Variants in ASPRV1 observed in about 807,000 individuals in gnomAD.
ASPRV1 encodes the protein aspartic peptidase retroviral like 1, also known as retroviral-like aspartic protease 1.
ASPRV1 carries 7 observed loss-of-function variants against 11.0 expected under a neutral mutation model. The observed-to-expected ratio is 0.64, with a 90% CI of 0.36 to 1.20. ASPRV1 has a LOEUF of 1.20. ASPRV1 is among the 50% of genes most tolerant of loss of function. The pLI, the probability that ASPRV1 is intolerant of heterozygous loss-of-function variation, is 0.02. For synonymous variants in ASPRV1, 136 were observed against 138.4 expected (o/e 0.98, Z 0.12); for missense variants, 299 against 320.0 (o/e 0.93, Z 0.50).
chr2:70,066,429 G>A, the ASPRV1 span, among the ~76,000 whole-genome samples: 1 of 151,512 alleles, frequency 6.6e-6, no homozygotes, highest in Non-Finnish European at 1.5e-5. Flanking sequence ...AGTAGAGATG[G>A]GGTTTCACCA....
At chr2:70,048,891 C>T in the ASPRV1 span, 4 of 152,172 alleles carry the variant, frequency 2.6e-5, no homozygotes, top group Non-Finnish European at 1.5e-5. Context: ...TCTCTGCCTC[C>T]ATCTTCATGT....
chr2:70,015,235 G>A, the ASPRV1 span, among the ~76,000 whole-genome samples: 2 of 152,176 alleles, frequency 1.3e-5, no homozygotes, highest in Admixed American at 1.3e-4. Context: ...AAACCAAAGA[G>A]AGCAGGGGTA....
At chr2:69,945,213 T>C in the ASPRV1 span, among the ~76,000 whole-genome samples, 3 of 151,418 alleles carry the variant, frequency 2.0e-5, no homozygotes, top group South Asian at 6.2e-4. Context: ...CACTCCAGCC[T>C]GGGCGACAGA....
the ASPRV1 span, chr2:70,031,158 T>C: frequency 6.6e-6 from 1 of 152,146 alleles, no homozygotes; most frequent in African/African-American, 2.4e-5. Context: ...TTGCTTCCTG[T>C]AGTTAATATT....
chr2:70,054,101 G>C, the ASPRV1 span: 1 of 152,236 alleles, frequency 6.6e-6, no homozygotes, highest in Non-Finnish European at 1.5e-5. Flanking sequence ...GGGAGGCTGA[G>C]GCGGGTGGAT....
At chr2:69,937,402 T>C in the ASPRV1 span, 2 of 1,593,580 alleles carry the variant, frequency 1.3e-6, no homozygotes, top group South Asian at 2.3e-5. Flanking sequence ...GGGGTGAGCC[T>C]CTCTCACTCT....
the ASPRV1 span, among the ~76,000 whole-genome samples, chr2:70,027,541 T>C: frequency 2.2e-4 from 34 of 152,146 alleles, no homozygotes; most frequent in Non-Finnish European, 4.6e-4. Flanking sequence ...ATGTGGTATA[T>C]ATACAAATAC....
the ASPRV1 span, chr2:70,053,782 A>G: frequency 6.6e-6 from 1 of 152,190 alleles, no homozygotes; most frequent in Non-Finnish European, 1.5e-5. Context: ...CAAGTCCCCA[A>G]CACACTTGGT....
At chr2:70,059,127 G>A in the ASPRV1 span, among the ~76,000 whole-genome samples, 42 of 150,700 alleles carry the variant, frequency 2.8e-4, no homozygotes, top group Middle Eastern at 3.4e-3. Context: ...TCCTGACCTC[G>A]TGATCCGCCC....
chr2:70,033,374 A>T, the ASPRV1 span, among the ~76,000 whole-genome samples: 54 of 152,112 alleles, frequency 3.6e-4, no homozygotes, highest in Non-Finnish European at 6.8e-4. Flanking sequence ...GTATGAAAAG[A>T]CTGAGGGGTT....
At chr2:70,061,770 G>C in the ASPRV1 span, among the ~76,000 whole-genome samples, 21 of 151,976 alleles carry the variant, frequency 1.4e-4, no homozygotes, top group Non-Finnish European at 2.5e-4. Flanking sequence ...CCAACATAGC[G>C]AAACCCTGTC....
At chr2:69,937,187 T>C in the ASPRV1 span, 2 of 1,609,048 alleles carry the variant, frequency 1.2e-6, no homozygotes, top group South Asian at 2.2e-5. Context: ...CCATTGCCCA[T>C]TTAGAGATCT....
chr2:70,040,223 C>T, the ASPRV1 span, among the ~76,000 whole-genome samples: 2 of 152,004 alleles, frequency 1.3e-5, no homozygotes, highest in African/African-American at 4.8e-5. Flanking sequence ...GGAGTAGAGA[C>T]AGTTGGGCAT....
the ASPRV1 span, chr2:70,083,610 T>C: frequency 6.6e-6 from 1 of 152,154 alleles, no homozygotes; most frequent in African/African-American, 2.4e-5. Flanking sequence ...ACTCAGTCAA[T>C]TGCTCCATGT....
Position 69,960,120 on chromosome 2 carries a change from G to A in ASPRV1, c.*537C>T, listed in dbSNP as rs72910670. ...CATGAATCAATCTTTATTGGTGTTT[G>A]CAGCAATTGAATTATTGGCATAAGG... On this transcript the variant is annotated 3_prime_UTR_variant, in exon 1 of 1. Transcript: ENST00000320256. 2,674 of 154,008 alleles carry A rather than the reference G, an allele frequency of 0.017. 71 individuals carry two copies. Among genetic ancestry groups the A allele is most frequent in the African/African-American group, 0.051 (2,137 of 41,564 alleles). 9.5% of individuals were successfully genotyped at this position (154,008 alleles called of 1,614,324 possible). A position where few individuals can be genotyped will look rare whatever the true frequency, so the allele number is the denominator to read the frequency against.
At chr2:70,035,477 G>GA in the ASPRV1 span, among the ~76,000 whole-genome samples, 2 of 151,634 alleles carry the variant, frequency 1.3e-5, no homozygotes, top group Admixed American at 6.6e-5. Context: ...ATGCCTCAAG[G>GA]AAAAAGATTC....
At chr2:70,024,790 A>T in the ASPRV1 span, among the ~76,000 whole-genome samples, 1 of 152,104 alleles carries the variant, frequency 6.6e-6, no homozygotes, top group Non-Finnish European at 1.5e-5. Flanking sequence ...TTCCAGACAG[A>T]GGAGTTGCAG....
the ASPRV1 span, among the ~76,000 whole-genome samples, chr2:69,945,543 A>G: frequency 6.6e-6 from 1 of 152,194 alleles, no homozygotes; most frequent in African/African-American, 2.4e-5. Context: ...TGGGTTGAAC[A>G]TGTTGCCCAG....
the ASPRV1 span, among the ~76,000 whole-genome samples, chr2:70,061,117 C>T: frequency 6.6e-6 from 1 of 152,008 alleles, no homozygotes; most frequent in Non-Finnish European, 1.5e-5. Context: ...AAGGACAGGC[C>T]GGGCACGGTG....
Sources: allele counts gnomAD v4.1 joint callset (sites outside exome capture counted in the v4.1 genomes callset), GRCh38; gene constraint gnomAD v4.1.1; transcripts MANE v1.5; gene names NCBI Gene and HGNC (gene_info 2026-07-23, HGNC 2026-07-21).